The following RELB variants were observed in gnomAD, a reference collection of about 807,000 sequenced individuals.
The protein encoded by RELB is transcription factor RelB.
In RELB, 14 loss-of-function variants were observed where a neutral mutation model predicts 55.4. The observed-to-expected ratio is 0.25, with a 90% CI of 0.17 to 0.40. RELB has a LOEUF of 0.40. RELB is among the 10% of genes least tolerant of loss of function. RELB has a pLI of 1.00. For synonymous variants in RELB, 409 were observed against 371.3 expected, an observed-to-expected ratio of 1.10 and a Z score of -1.17; for missense variants, 669 against 830.7, an observed-to-expected ratio of 0.81 and a Z score of 2.39.
At chr19:45,034,345 C>T (rs1040797565) in intron 10 of RELB, 33 bp downstream of exon 10, 1 of 1,610,236 alleles carries the variant, frequency 6.2e-7, no homozygotes, top group South Asian at 1.1e-5. Context: ...CACCCCCATC[C>T]CCAGGTTCTG....
Position 45,025,219 on chromosome 19 carries a change from G to A in RELB, c.663-110G>A, listed in dbSNP as rs1600077573. 2.0e-5 allele frequency: 15 copies of A among 743,482 alleles called. No individual in the cohort carries two copies. In the East Asian group the frequency reaches 3.8e-4, roughly 19 times the overall value. 46.1% of individuals were successfully genotyped at this position (743,482 alleles called of 1,614,324 possible). On this transcript the variant is annotated intron_variant, in intron 5 of 11. Coordinates refer to ENST00000221452, the MANE Select transcript of RELB (RefSeq NM_006509.4). ...TGGGACCCCTGGGCCTGGGATGTCA[G>A]CCCCTGAGAGCCTGAGCCCCACAGC...
At position 45,032,659 on chromosome 19, in the gene RELB, G is replaced by A. The variant is rs759228803; in HGVS notation, c.1117G>A (p.Glu373Lys). The A allele has an allele frequency of 5.6e-6, 9 of 1,611,988 alleles. No individual in the cohort carries two copies. The highest frequency in any genetic ancestry group is 1.7e-5 in the Admixed American group (1 of 59,606). ...TPPYEDLEIV[E>K]PVTVNVFLQR... ...GCCCTACGAGGACCTGGAGATTGTC[G>A]AGCCCGTGACAGTCAACGTCTTCCT... Residue 373 changes from glutamate (E) to lysine (K), a missense_variant, in exon 9 of 12, where the codon GAG (glutamate) becomes AAG (lysine). By Grantham distance (56) the Glu-to-Lys change is moderately conservative. Coordinates refer to ENST00000221452, the MANE Select transcript of RELB (RefSeq NM_006509.4).
chr19:45,007,475 C>T (rs1044175225), intron 2 of RELB, among the ~76,000 whole-genome samples: 7 of 152,148 alleles, frequency 4.6e-5, no homozygotes, highest in East Asian at 1.9e-4. Context: ...AGCTCAGAGA[C>T]GGTAAGTGAC....
chr19:45,023,818 T>C (rs1045012507), intron 5 of RELB, among the ~76,000 whole-genome samples: 8 of 135,022 alleles, frequency 5.9e-5, no homozygotes, highest in African/African-American at 2.2e-4. Flanking sequence ...TGGCACGATC[T>C]CTGCTCACTG....
chr19:45,030,260 C>G (rs1480495849), intron 8 of RELB, among the ~76,000 whole-genome samples: 1 of 151,730 alleles, frequency 6.6e-6, no homozygotes, highest in Admixed American at 6.6e-5. Flanking sequence ...ATCACTTGAG[C>G]CCAGGAGTTT....
At chr19:45,030,860 T>C (rs1971612335) in intron 8 of RELB, among the ~76,000 whole-genome samples, 1 of 152,208 alleles carries the variant, frequency 6.6e-6, no homozygotes, top group Non-Finnish European at 1.5e-5. Context: ...CCCCAAGTTA[T>C]AACAGAGTTG....
At chr19:45,002,156 C>A (rs1971220103) in intron 1 of RELB, among the ~76,000 whole-genome samples, 1 of 134,054 alleles carries the variant, frequency 7.5e-6, no homozygotes, top group African/African-American at 2.9e-5. Flanking sequence ...CTGAGTTGGC[C>A]GAAAGAAGGG....
rs768868789 is a variant in RELB at position 45,037,380 on chromosome 19, A to G, written c.1355-25A>G. On this transcript the variant is annotated intron_variant, in intron 11 of 11. Coordinates refer to ENST00000221452, the MANE Select transcript of RELB (RefSeq NM_006509.4). ...AGAAGTTAGCCCTAAATCACACTAC[A>G]CTTCTCTTGTCTTCATCCCCGTAGG... 7 of 1,522,826 alleles carry G rather than the reference A, an allele frequency of 4.6e-6. No individual in the cohort carries two copies. In the East Asian group the frequency reaches 9.4e-5, roughly 20 times the overall value. 94.3% of individuals were successfully genotyped at this position (1,522,826 alleles called of 1,614,324 possible).
chr19:45,006,393 G>A (rs920166970), intron 2 of RELB, among the ~76,000 whole-genome samples: 2 of 151,848 alleles, frequency 1.3e-5, no homozygotes, highest in South Asian at 2.1e-4. Flanking sequence ...TTAGAGAAAC[G>A]GGGTTTCACC....
intron 2 of RELB, among the ~76,000 whole-genome samples, chr19:45,004,938 G>A (rs917599482): frequency 2.6e-5 from 4 of 152,008 alleles, no homozygotes; most frequent in African/African-American, 9.7e-5. Context: ...GGGAGGTCGA[G>A]ACAGGCAGAT....
chr19:45,011,903 G>T, intron 3 of RELB, 33 bp from the exon 4 acceptor site: 19 of 1,239,418 alleles, frequency 1.5e-5, no homozygotes, highest in East Asian at 3.0e-5. Context: ...TTTAAAGAAT[G>T]GGCGTCACCA....
At chr19:45,002,850 GGAAGGGCTA>G (rs1971230720) in intron 1 of RELB, 90 bp from the exon 2 acceptor site, 1 of 981,260 alleles carries the variant, frequency 1.0e-6, no homozygotes, top group South Asian at 1.5e-5. Flanking sequence ...GATCCAGAGG[GGAAGGGCTA>G]GAAGAGGAAG....
At chr19:45,036,173 A>G (rs35633666) in intron 11 of RELB, among the ~76,000 whole-genome samples, 1 of 152,076 alleles carries the variant, frequency 6.6e-6, no homozygotes, top group Non-Finnish European at 1.5e-5. Flanking sequence ...CCCAGGTTCA[A>G]GTGATTCTCC....
Position 45,034,510 on chromosome 19 carries a change from C to A in RELB, c.1336C>A (p.Leu446Met), listed in dbSNP as rs776703550. ...KKKPAILDHF[L>M]PNHGSGPFLP... ...AAAGCCGGCCATCCTGGACCACTTCCTGCCCAACCACGGCTCAGGTGGGTC... is the reference window on the plus strand; with the variant it reads ...AAAGCCGGCCATCCTGGACCACTTCATGCCCAACCACGGCTCAGGTGGGTC... Residue 446 changes from leucine (L) to methionine (M), a missense_variant, in exon 11 of 12, where the codon CTG becomes ATG. Coordinates refer to ENST00000221452, the MANE Select transcript of RELB (RefSeq NM_006509.4). 3.1e-6 allele frequency: 5 copies of A among 1,606,314 alleles called. No homozygotes were observed. The South Asian group carries it at 5.6e-5, about 18-fold the overall frequency.
At chr19:45,012,302 G>A (rs1379383483) in intron 4 of RELB, 26 bp downstream of exon 4, 3 of 1,341,108 alleles carry the variant, frequency 2.2e-6, no homozygotes, top group African/African-American at 1.5e-5. Context: ...GGCCCCGGGC[G>A]GGTGGGACTG....
chr19:45,012,497 A>G (rs1054366767), intron 4 of RELB, among the ~76,000 whole-genome samples: 5 of 152,178 alleles, frequency 3.3e-5, no homozygotes, highest in Admixed American at 6.5e-5. Flanking sequence ...TAATCCCAGT[A>G]CTTTGGGAGT....
intron 2 of RELB, among the ~76,000 whole-genome samples, chr19:45,009,557 G>A (rs1188687910): frequency 6.6e-6 from 1 of 152,120 alleles, no homozygotes; most frequent in Non-Finnish European, 1.5e-5. Flanking sequence ...AATGTTTTTC[G>A]GGAGGCATTT....
At position 45,033,506 on chromosome 19, in the gene RELB, G is replaced by A. The variant is rs544962133; in HGVS notation, c.1208-738G>A. ...TCGAGACCAGCCTGAACAACATGGC[G>A]AAACCCCGTCTCTACTAAAAATACA... On this transcript the variant is annotated intron_variant, in intron 9 of 11. Transcript: ENST00000221452. 4.2e-4 allele frequency among the ~76,000 whole-genome samples: 64 copies of A among 151,538 alleles called. 1 individual carries two copies. The highest frequency in any genetic ancestry group is 3.4e-3 in the Middle Eastern group (1 of 292).
chr19:45,035,939 C>A (rs772887601), intron 11 of RELB, among the ~76,000 whole-genome samples: 1 of 152,218 alleles, frequency 6.6e-6, no homozygotes, highest in African/African-American at 2.4e-5. Context: ...ACTCATGGTG[C>A]AAGGTGGCTG....
Sources: gnomAD v4.1 joint callset for allele counts (sites outside exome capture counted in the v4.1 genomes callset) on GRCh38, gnomAD v4.1.1 for gene constraint, MANE v1.5 for transcripts, NCBI Gene and HGNC (gene_info 2026-07-23, HGNC 2026-07-21) for gene names.